Variants in GRIN2B observed in about 807,000 individuals in gnomAD.
GRIN2B encodes glutamate ionotropic receptor NMDA type subunit 2B.
In GRIN2B, 5 loss-of-function variants were observed where a neutral mutation model predicts 114.5. The observed-to-expected ratio is 0.04, with a 90% CI of 0.02 to 0.09. The LOEUF (loss-of-function observed/expected upper bound fraction) is 0.09. Ranked by LOEUF, GRIN2B falls within the 10% of genes least tolerant of loss-of-function variation. GRIN2B has a pLI of 1.00. For synonymous variants in GRIN2B, 787 were observed against 745.1 expected (o/e 1.06, Z -0.92); for missense variants, 1,108 against 1,943.5 (o/e 0.57, Z 8.08).
At chr12:13,947,293 T>A (rs190949836) in intron 2 of GRIN2B, among the ~76,000 whole-genome samples, 54 of 152,178 alleles carry the variant, frequency 3.5e-4, no homozygotes, top group Non-Finnish European at 7.1e-4. Flanking sequence ...TACAACACCA[T>A]TGATAGGAAA....
chr12:13,580,272 G>A (rs575327252), intron 10 of GRIN2B, among the ~76,000 whole-genome samples: 1 of 152,268 alleles, frequency 6.6e-6, no homozygotes, highest in East Asian at 1.9e-4. Context: ...GCCTTCTTGG[G>A]TAGTTGGCTT....
chr12:13,704,099 T>C (rs1950337316), intron 4 of GRIN2B, among the ~76,000 whole-genome samples: 1 of 152,094 alleles, frequency 6.6e-6, no homozygotes, highest in South Asian at 2.1e-4. Context: ...AAGAAAATAG[T>C]AATGTGGTCA....
At chr12:13,737,619 G>A (rs894394845) in intron 4 of GRIN2B, among the ~76,000 whole-genome samples, 1 of 152,150 alleles carries the variant, frequency 6.6e-6, no homozygotes, top group African/African-American at 2.4e-5. Context: ...TGACCTTAAG[G>A]ACGTGATACA....
intron 4 of GRIN2B, among the ~76,000 whole-genome samples, chr12:13,718,053 T>A (rs1950473203): frequency 6.6e-6 from 1 of 151,992 alleles, no homozygotes; most frequent in Non-Finnish European, 1.5e-5. Flanking sequence ...ATTCCCTGCA[T>A]CTCCTTATGG....
chr12:13,699,812 C>T (rs1024835243), intron 4 of GRIN2B, among the ~76,000 whole-genome samples: 1 of 151,836 alleles, frequency 6.6e-6, no homozygotes, highest in Admixed American at 6.6e-5. Flanking sequence ...TGGTCTTGAA[C>T]TCCTGACCTT....
chr12:13,680,870 G>C (rs1017535522), intron 4 of GRIN2B, among the ~76,000 whole-genome samples: 1 of 152,104 alleles, frequency 6.6e-6, no homozygotes, highest in Admixed American at 6.5e-5. Context: ...ATCTATCTTA[G>C]ATGATTAATC....
intron 2 of GRIN2B, among the ~76,000 whole-genome samples, chr12:13,931,742 C>A (rs1313854938): frequency 1.3e-5 from 2 of 152,210 alleles, no homozygotes; most frequent in Non-Finnish European, 2.9e-5. Flanking sequence ...TCAGTTAATA[C>A]CAACACCATT....
chr12:13,730,644 T>C (rs1476079608), intron 4 of GRIN2B, among the ~76,000 whole-genome samples: 1 of 152,138 alleles, frequency 6.6e-6, no homozygotes, highest in African/African-American at 2.4e-5. Context: ...GTGTTAAGTT[T>C]CTTCCCCACC....
At chr12:13,871,897 T>C (rs1442887412) in intron 2 of GRIN2B, among the ~76,000 whole-genome samples, 1 of 152,088 alleles carries the variant, frequency 6.6e-6, no homozygotes, top group African/African-American at 2.4e-5. Context: ...AATTAAGTTT[T>C]AGAAATTTTA....
At chr12:13,755,908 C>T (rs1658514977) in intron 3 of GRIN2B, among the ~76,000 whole-genome samples, 1 of 152,260 alleles carries the variant, frequency 6.6e-6, no homozygotes, top group African/African-American at 2.4e-5. Context: ...CCTGTGAGGA[C>T]AGAGCAAGAA....
intron 5 of GRIN2B, among the ~76,000 whole-genome samples, chr12:13,644,116 A>G: frequency 6.6e-6 from 1 of 152,190 alleles, no homozygotes; most frequent in South Asian, 2.1e-4. Flanking sequence ...GCCTACATCC[A>G]TCAGAGGAAT....
chr12:13,936,010 G>A (rs1021250946), intron 2 of GRIN2B, among the ~76,000 whole-genome samples: 1 of 152,160 alleles, frequency 6.6e-6, no homozygotes, highest in African/African-American at 2.4e-5. Flanking sequence ...GCACTGTGCT[G>A]AGGAGGCAGA....
rs754329919 is a variant in GRIN2B at position 13,610,333 on chromosome 12, C to T, written c.1780+1392G>A. Among the ~76,000 whole-genome samples the T allele has an allele frequency of 7.0e-4, 106 of 152,336 alleles. 1 individual carries two copies. Among genetic ancestry groups the T allele is most frequent in the Admixed American group, 3.4e-3 (52 of 15,306 alleles). On this transcript the variant is annotated intron_variant, in intron 9 of 13. Coordinates refer to ENST00000609686, the MANE Select transcript of GRIN2B (RefSeq NM_000834.5). ...GGTAAAGTGAGTAATTGTAAGCCCT[C>T]GCTCTGAGCTTTCTTTGCAAATCTG...
intron 4 of GRIN2B, among the ~76,000 whole-genome samples, chr12:13,739,412 G>GAA (rs1565519594): frequency 1.5e-5 from 2 of 133,884 alleles, no homozygotes; most frequent in African/African-American, 2.8e-5. Context: ...AGAAGAAAAG[G>GAA]AAAAAAAAAG....
chr12:13,718,867 G>T (rs752801914), intron 4 of GRIN2B, among the ~76,000 whole-genome samples: 7 of 152,002 alleles, frequency 4.6e-5, no homozygotes, highest in Non-Finnish European at 7.4e-5. Context: ...GCATCAATGA[G>T]CAACCTCTCT....
At chr12:13,940,021 C>A (rs1179879419) in intron 2 of GRIN2B, among the ~76,000 whole-genome samples, 1 of 152,072 alleles carries the variant, frequency 6.6e-6, no homozygotes, top group African/African-American at 2.4e-5. Flanking sequence ...GGTCCATGGT[C>A]CAGTGGTATT....
chr12:13,630,464 G>C (rs1250584769), intron 5 of GRIN2B, among the ~76,000 whole-genome samples: 1 of 152,098 alleles, frequency 6.6e-6, no homozygotes, highest in African/African-American at 2.4e-5. Context: ...TGCCCAATAG[G>C]ATATCGAAAA....
intron 2 of GRIN2B, among the ~76,000 whole-genome samples, chr12:13,937,102 GGGGGAAGATTGAA>G (rs1242977874): frequency 6.9e-6 from 1 of 145,334 alleles, no homozygotes; most frequent in Non-Finnish European, 1.5e-5. Context: ...AAAAAGGGGG[GGGGGAAGATTGAA>G]GAAAAATGAA....
intron 3 of GRIN2B, among the ~76,000 whole-genome samples, chr12:13,853,453 T>C (rs1201267454): frequency 1.3e-5 from 2 of 152,260 alleles, no homozygotes; most frequent in Non-Finnish European, 2.9e-5. Flanking sequence ...ATGTTTATTT[T>C]CCAAAACATT....
Sources: gnomAD v4.1 joint callset for allele counts (sites outside exome capture counted in the v4.1 genomes callset) on GRCh38, gnomAD v4.1.1 for gene constraint, MANE v1.5 for transcripts, NCBI Gene and HGNC (gene_info 2026-07-23, HGNC 2026-07-21) for gene names.